TAF11: variants seen among roughly 807,000 people sequenced by gnomAD.
TAF11 encodes transcription initiation factor TFIID subunit 11.
TAF11 carries 10 observed loss-of-function variants against 23.0 expected under a neutral mutation model. That is an observed-to-expected ratio of 0.43 (90% CI 0.27 to 0.74). The LOEUF is 0.74. Ranked by LOEUF, TAF11 falls within the 30% of genes least tolerant of loss-of-function variation. The pLI is 0.19. For missense variants in TAF11, 196 were observed against 261.7 expected, an observed-to-expected ratio of 0.75 and a Z score of 1.73; for synonymous variants, 85 against 95.8, an observed-to-expected ratio of 0.89 and a Z score of 0.66.
At chr6:34,882,802 G>A in intron 2 of TAF11, 130 bp downstream of exon 2, 1 of 1,153,970 alleles carries the variant, frequency 8.7e-7, no homozygotes, top group Non-Finnish European at 1.2e-6. Flanking sequence ...ACCATGCCCA[G>A]CCATAATGTA....
chr6:34,882,860 C>T, intron 2 of TAF11, 72 bp downstream of exon 2: 12 of 1,480,268 alleles, frequency 8.1e-6, no homozygotes, highest in South Asian at 2.9e-5. Flanking sequence ...ATTTAAACAC[C>T]AAGAAAAATT....
intron 4 of TAF11, chr6:34,879,261 C>CA (rs1164574547): frequency 5.1e-6 from 2 of 391,502 alleles, no homozygotes; most frequent in Non-Finnish European, 6.9e-6. Context: ...TGCACGCCTA[C>CA]AGTCCCAGCT....
chr6:34,880,066 T>C lies in TAF11; in HGVS notation c.409-3A>G, dbSNP rs774868760. 1 of 1,613,626 alleles carries C rather than the reference T, an allele frequency of 6.2e-7. No homozygotes were observed. The highest frequency in any genetic ancestry group is 8.5e-7 in the Non-Finnish European group (1 of 1,179,642). ...GTGCCAGTGATGGACTGGATCAGCTTGAAAGAAGCACAAAGACTCCGTGAT... is the reference window on the plus strand; with the variant it reads ...GTGCCAGTGATGGACTGGATCAGCTCGAAAGAAGCACAAAGACTCCGTGAT... On this transcript the variant is annotated splice_polypyrimidine_tract_variant and splice_region_variant and intron_variant, in intron 3 of 4. Coordinates refer to ENST00000361288, the MANE Select transcript of TAF11 (RefSeq NM_005643.4). The surrounding 1 kb of genome is among the most constrained non-coding windows in gnomAD (Gnocchi z 4.8).
At position 34,880,562 on chromosome 6, in the gene TAF11, A is replaced by G. The variant is rs911086094; in HGVS notation, c.321-186T>C. ...AAAGGAATTTGAGAAAACGTAAAAC[A>G]AAAACTTCTTTTCTTACCTGTTAAC... On this transcript the variant is annotated intron_variant, in intron 2 of 4. Transcript: ENST00000361288. This position sits in a 1 kb window ranked among gnomAD's most constrained non-coding sequence, Gnocchi z 4.8. 2.0e-5 allele frequency among the ~76,000 whole-genome samples: 3 copies of G among 152,230 alleles called. No homozygotes were observed. Among genetic ancestry groups the G allele is most frequent in the African/African-American group, 7.2e-5 (3 of 41,466 alleles).
rs1766409832 is a variant in TAF11 at position 34,880,784 on chromosome 6, C to A, written c.321-408G>T. Reference sequence around the variant, plus strand: ...GCAAAATATGTGGAAACAGTTAATACTCCTAATGTATAATTCTTTCAAATG... The same window carrying A: ...GCAAAATATGTGGAAACAGTTAATAATCCTAATGTATAATTCTTTCAAATG... On this transcript the variant is annotated intron_variant, in intron 2 of 4. Coordinates refer to ENST00000361288, the MANE Select transcript of TAF11 (RefSeq NM_005643.4). This position sits in a 1 kb window ranked among gnomAD's most constrained non-coding sequence, Gnocchi z 4.8. Among the ~76,000 whole-genome samples, 1 of 152,152 alleles carries A rather than the reference C, an allele frequency of 6.6e-6. No individual in the cohort carries two copies. Among genetic ancestry groups the A allele is most frequent in the Non-Finnish European group, 1.5e-5 (1 of 68,020 alleles).
At chr6:34,887,694 G>T in intron 1 of TAF11, 93 bp downstream of exon 1, 1 of 1,492,178 alleles carries the variant, frequency 6.7e-7, no homozygotes, top group Admixed American at 1.7e-5. Context: ...TCGAGTTCTC[G>T]TAACTTGTTA....
rs763456508 is a variant in TAF11, at chr6:34,878,613, G to T, written c.613C>A (p.His205Asn). The change falls in exon 5 of 5, where the codon CAC (histidine) becomes AAC (asparagine). Residue 205 changes from histidine (H) to asparagine (N), a missense_variant. Transcript: ENST00000361288. ...GTCTAGAAGAAGATGATTTTTTTGT[G>T]CTTCGAGTTAGGGATCTGTCCTTTT... is the stretch of plus-strand genomic sequence containing the variant. ...KSKGQIPNSKHKKIIFF is the reference protein window; with the variant it reads ...KSKGQIPNSKNKKIIFF The T allele has an allele frequency of 6.3e-7, 1 of 1,598,192 alleles. No individual in the cohort carries two copies. Among genetic ancestry groups the T allele is most frequent in the Non-Finnish European group, 8.6e-7 (1 of 1,165,686 alleles).
At position 34,880,517 on chromosome 6, in the gene TAF11, A is replaced by C; in HGVS notation, c.321-141T>G. The C allele has an allele frequency of 1.5e-6, 1 of 675,250 alleles. No individual in the cohort carries two copies. Among genetic ancestry groups the C allele is most frequent in the Non-Finnish European group, 2.5e-6 (1 of 405,102 alleles). 41.8% of individuals were successfully genotyped at this position (675,250 alleles called of 1,614,324 possible). A position where few individuals can be genotyped will look rare whatever the true frequency, so the allele number is the denominator to read the frequency against. On this transcript the variant is annotated intron_variant, in intron 2 of 4. Coordinates refer to ENST00000361288, the MANE Select transcript of TAF11 (RefSeq NM_005643.4). The surrounding 1 kb of genome is among the most constrained non-coding windows in gnomAD (Gnocchi z 4.8). ...TTAGGCTTGGTGCCTTGAGGAATGA[A>C]GATAAAACACTTCTACTCCAAAGGA... is the stretch of plus-strand genomic sequence containing the variant.
At chr6:34,884,336 T>C (rs552255068) in intron 1 of TAF11, among the ~76,000 whole-genome samples, 2 of 152,274 alleles carry the variant, frequency 1.3e-5, no homozygotes, top group African/African-American at 4.8e-5. Context: ...ATACTGCATG[T>C]TCTCACTAAT....
At chr6:34,882,622 C>T (rs886806588) in intron 2 of TAF11, among the ~76,000 whole-genome samples, 2 of 150,854 alleles carry the variant, frequency 1.3e-5, no homozygotes, top group African/African-American at 2.5e-5. Context: ...CCAGCCTGGG[C>T]GACACAGTGA....
chr6:34,883,333 G>A (rs907349402), intron 1 of TAF11, among the ~76,000 whole-genome samples: 7 of 151,758 alleles, frequency 4.6e-5, no homozygotes, highest in African/African-American at 1.7e-4. Context: ...TCCAGTATCT[G>A]TTTACAAGGG....
intron 1 of TAF11, among the ~76,000 whole-genome samples, chr6:34,886,979 T>G (rs1766538325): frequency 6.6e-6 from 1 of 152,060 alleles, no homozygotes; most frequent in Non-Finnish European, 1.5e-5. Flanking sequence ...TGCTGAACTC[T>G]CTGTAGCATA....
intron 1 of TAF11, among the ~76,000 whole-genome samples, chr6:34,885,865 T>C (rs558231068): frequency 3.3e-5 from 5 of 152,318 alleles, no homozygotes; most frequent in Admixed American, 1.3e-4. Flanking sequence ...CTCATGCCTA[T>C]AATCCCAGCA....
At chr6:34,885,945 T>C (rs1037048352) in intron 1 of TAF11, among the ~76,000 whole-genome samples, 1 of 152,068 alleles carries the variant, frequency 6.6e-6, no homozygotes, top group African/African-American at 2.4e-5. Flanking sequence ...CTTGTGAAAC[T>C]TGTGAAACCT....
chr6:34,881,556 CA>C (rs1766424354), intron 2 of TAF11, among the ~76,000 whole-genome samples: 1 of 151,620 alleles, frequency 6.6e-6, no homozygotes, highest in South Asian at 2.1e-4. Context: ...AAACATTCAC[CA>C]TATCTAATGT....
rs1200834293 is a variant in TAF11, at chr6:34,888,003, G to A, written c.-46C>T. The A allele has an allele frequency of 5.0e-6, 8 of 1,609,496 alleles. No homozygotes were observed. The highest frequency in any genetic ancestry group is 6.8e-6 in the Non-Finnish European group (8 of 1,177,608). On this transcript the variant is annotated 5_prime_UTR_variant, in exon 1 of 5. Transcript: ENST00000361288. ...AGAGGAGATCGCGGAGATGCCTGAG[G>A]CAGAAGCTCGGAAACCCGAGCTGCA...
At position 34,880,094 on chromosome 6, in the gene TAF11, C is replaced by T. The variant is rs1451338840; in HGVS notation, c.409-31G>A. 1.9e-6 allele frequency: 3 copies of T among 1,602,600 alleles called. No individual in the cohort carries two copies. Among genetic ancestry groups the T allele is most frequent in the South Asian group, 1.1e-5 (1 of 90,666 alleles). On this transcript the variant is annotated intron_variant, in intron 3 of 4. Transcript: ENST00000361288. The surrounding 1 kb of genome is among the most constrained non-coding windows in gnomAD (Gnocchi z 4.8). ...AAGAAGCACAAAGACTCCGTGATCA[C>T]AATAGTCAAAGACTGGCTTTGGAAC... is the stretch of plus-strand genomic sequence containing the variant.
chr6:34,878,270 ACT>A lies in TAF11; in HGVS notation c.*318_*319del, dbSNP rs1440075898. The A allele has an allele frequency of 1.6e-5, 4 of 250,730 alleles. No homozygotes were observed. Among genetic ancestry groups the A allele is most frequent in the African/African-American group, 6.7e-5 (3 of 44,986 alleles). 15.5% of individuals were successfully genotyped at this position (250,730 alleles called of 1,614,324 possible). A position where few individuals can be genotyped will look rare whatever the true frequency, so the allele number is the denominator to read the frequency against. ...CAAAACGAAACCAAAACAAAACAAA[ACT>A]CTCTTGGAAAGGTTTTCTCTCTGAA... On this transcript the variant is annotated 3_prime_UTR_variant, in exon 5 of 5. Coordinates refer to ENST00000361288, the MANE Select transcript of TAF11 (RefSeq NM_005643.4).
Position 34,880,926 on chromosome 6 carries a change from T to C in TAF11, c.321-550A>G, listed in dbSNP as rs138397930. 1.8e-4 allele frequency among the ~76,000 whole-genome samples: 28 copies of C among 152,268 alleles called. No homozygotes were observed. In the East Asian group the frequency reaches 4.8e-3, roughly 26 times the overall value. ...CAACCTTCATTATTAACTAAGGAAATATTATTTTCATAGATAACATTTTTC... is the reference window on the plus strand; with the variant it reads ...CAACCTTCATTATTAACTAAGGAAACATTATTTTCATAGATAACATTTTTC... On this transcript the variant is annotated intron_variant, in intron 2 of 4. Coordinates refer to ENST00000361288, the MANE Select transcript of TAF11 (RefSeq NM_005643.4). The surrounding 1 kb of genome is among the most constrained non-coding windows in gnomAD (Gnocchi z 4.8).
Sources: gnomAD v4.1 joint callset for allele counts (sites outside exome capture counted in the v4.1 genomes callset) on GRCh38, gnomAD v4.1.1 for gene constraint, Gnocchi (gnomAD v3.1) non-coding constraint, MANE v1.5 for transcripts, NCBI Gene and HGNC (gene_info 2026-07-23, HGNC 2026-07-21) for gene names.